Variants in PBRM1 observed in about 807,000 individuals in gnomAD.
PBRM1 encodes the protein protein polybromo-1.
A neutral mutation model predicts 194.5 loss-of-function variants in PBRM1; 27 were observed. That is an observed-to-expected ratio of 0.14 (90% CI 0.10 to 0.19). The LOEUF is 0.19. Ranked by LOEUF, PBRM1 falls within the 10% of genes least tolerant of loss-of-function variation. The pLI, the probability that PBRM1 is intolerant of heterozygous loss-of-function variation, is 1.00. For synonymous variants in PBRM1, 655 were observed against 693.2 expected (o/e 0.94, Z 0.87); for missense variants, 1,466 against 2,077.2 (o/e 0.71, Z 5.72).
exon 29 of PBRM1, chr3:52,550,595 A>G (rs1559796469): frequency 1.9e-6 from 3 of 1,538,490 alleles, no homozygotes; most frequent in Non-Finnish European, 2.6e-6. Flanking sequence ...GGGCCGGGAT[A>G]TGGAGGTGGT....
At chr3:52,608,399 A>C (rs1198460506) in intron 16 of PBRM1, among the ~76,000 whole-genome samples, 2 of 152,202 alleles carry the variant, frequency 1.3e-5, no homozygotes, top group Non-Finnish European at 2.9e-5. Flanking sequence ...TGCCTTCATA[A>C]AGTGCTTAGC....
chr3:52,644,118 A>G (rs941937472), intron 8 of PBRM1, among the ~76,000 whole-genome samples: 8 of 151,732 alleles, frequency 5.3e-5, no homozygotes, highest in Non-Finnish European at 1.0e-4. Flanking sequence ...TCTGTGTAAT[A>G]TTAATATATA....
In PBRM1 at chr3:52,624,939, T is replaced by C. The variant is rs587777964; in HGVS notation, c.1541+2334A>G. ...ACCCAACATCTCACTGTCATGAGTG[T>C]TCCTGGGAAAGCAGAAACAAACATT... On this transcript the variant is annotated intron_variant, in intron 13 of 29. Transcript: ENST00000296302. 9.7e-6 allele frequency: 15 copies of C among 1,547,686 alleles called. No homozygotes were observed. The highest frequency in any genetic ancestry group is 3.3e-4 in the Middle Eastern group (2 of 5,990).
chr3:52,661,465 A>G (rs1476134509), intron 4 of PBRM1, among the ~76,000 whole-genome samples: 1 of 152,338 alleles, frequency 6.6e-6, no homozygotes, highest in Non-Finnish European at 1.5e-5. Flanking sequence ...AAACATGTAA[A>G]CTAGTATGTT....
At chr3:52,612,241 A>G (rs1364847173) in intron 15 of PBRM1, among the ~76,000 whole-genome samples, 1 of 126,822 alleles carries the variant, frequency 7.9e-6, no homozygotes, top group Admixed American at 8.9e-5. Context: ...CCTAGGCAAC[A>G]GAGCGAGATT....
intron 13 of PBRM1, 65 bp from the exon 16 acceptor site, chr3:52,617,603 G>A: frequency 8.4e-7 from 1 of 1,188,548 alleles, no homozygotes; most frequent in South Asian, 1.5e-5. Flanking sequence ...ATATACGGAT[G>A]ACCACAAAAT....
intron 24 of PBRM1, among the ~76,000 whole-genome samples, chr3:52,562,390 T>A (rs1310247326): frequency 1.3e-5 from 2 of 152,046 alleles, no homozygotes; most frequent in Non-Finnish European, 2.9e-5. Flanking sequence ...ACTGCTTTAT[T>A]GACACGTTTG....
At chr3:52,551,664 G>T (rs1346686757) in intron 27 of PBRM1, among the ~76,000 whole-genome samples, 1 of 152,162 alleles carries the variant, frequency 6.6e-6, no homozygotes, top group Non-Finnish European at 1.5e-5. Context: ...TACAGAAATA[G>T]GCAAGGGACC....
downstream of PBRM1, chr3:52,546,388 T>G (rs1167175685): frequency 4.4e-6 from 1 of 229,670 alleles, no homozygotes; most frequent in Non-Finnish European, 8.7e-6. Context: ...TACATTTTTT[T>G]AAATTCAATA....
intron 6 of PBRM1, among the ~76,000 whole-genome samples, chr3:52,651,054 G>C (rs2096479188): frequency 1.3e-5 from 2 of 152,182 alleles, no homozygotes; most frequent in Non-Finnish European, 2.9e-5. Flanking sequence ...ATTTGGGCAA[G>C]TTACTTAACA....
intron 26 of PBRM1, among the ~76,000 whole-genome samples, chr3:52,556,058 T>C (rs1035842021): frequency 1.3e-5 from 2 of 152,170 alleles, no homozygotes; most frequent in African/African-American, 4.8e-5. Flanking sequence ...CCAAACCTCA[T>C]TTTTATAAAA....
intron 3 of PBRM1, among the ~76,000 whole-genome samples, chr3:52,666,244 C>T (rs1043847370): frequency 1.3e-5 from 2 of 152,064 alleles, no homozygotes; most frequent in Non-Finnish European, 2.9e-5. Flanking sequence ...AATGAGACCT[C>T]ATCTCTTAAA....
chr3:52,554,831 A>C (rs780018691), exon 27 of PBRM1: 6 of 1,600,924 alleles, frequency 3.7e-6, no homozygotes, highest in Non-Finnish European at 5.1e-6. Flanking sequence ...AAGGCCATCA[A>C]CTGGGCCCTG....
intron 20 of PBRM1, among the ~76,000 whole-genome samples, chr3:52,582,409 T>TGC (rs1463028234): frequency 3.8e-5 from 5 of 132,318 alleles, no homozygotes; most frequent in Non-Finnish European, 5.0e-5. Flanking sequence ...CCATTGATAA[T>TGC]TCTTTTTTTT....
intron 22 of PBRM1, among the ~76,000 whole-genome samples, chr3:52,573,321 C>T (rs1244255389): frequency 6.6e-6 from 1 of 151,678 alleles, no homozygotes; most frequent in Non-Finnish European, 1.5e-5. Context: ...GAGTCTCTTG[C>T]TCTGTCTCCA....
At chr3:52,586,737 T>A (rs1214846771) in intron 19 of PBRM1, 49 bp from the exon 22 acceptor site, 2 of 499,238 alleles carry the variant, frequency 4.0e-6, no homozygotes, top group Non-Finnish European at 5.7e-6. Flanking sequence ...GTGAATTTTC[T>A]GAAAATCAAT....
intron 6 of PBRM1, among the ~76,000 whole-genome samples, chr3:52,650,374 A>C (rs1357242925): frequency 3.5e-5 from 5 of 141,306 alleles, no homozygotes; most frequent in South Asian, 2.2e-4. Flanking sequence ...AAAAAAAAAA[A>C]AAAAAAACCC....
chr3:52,684,007 C>T (rs1379169796), upstream of PBRM1, among the ~76,000 whole-genome samples: 1 of 151,736 alleles, frequency 6.6e-6, no homozygotes, highest in Non-Finnish European at 1.5e-5. Context: ...CTTTTCTCTA[C>T]AAAAATTAAA....
At chr3:52,643,709 C>T (rs1298306222) in intron 8 of PBRM1, among the ~76,000 whole-genome samples, 2 of 152,180 alleles carry the variant, frequency 1.3e-5, no homozygotes, top group African/African-American at 2.4e-5. Flanking sequence ...CAGTGGCTCA[C>T]GCCTGTAATC....
Sources: gnomAD v4.1 joint callset for allele counts (sites outside exome capture counted in the v4.1 genomes callset) on GRCh38, gnomAD v4.1.1 for gene constraint, MANE v1.5 for transcripts, NCBI Gene and HGNC (gene_info 2026-07-23, HGNC 2026-07-21) for gene names.